Variants in APBB2 observed in about 807,000 individuals in gnomAD.
APBB2 encodes the protein Fe65-like 1.
In APBB2, 38 loss-of-function variants were observed where a neutral mutation model predicts 82.5. The ratio of observed to expected loss-of-function variants is 0.46; its 90% CI spans 0.36 to 0.60. The LOEUF is 0.60. Among genes scored for constraint, APBB2 ranks in the 20% least tolerant of loss-of-function variants. The probability of loss-of-function intolerance (pLI) is 0.00; values close to 1 mark genes in which losing one functional copy is unlikely to be tolerated. For synonymous variants in APBB2, 341 were observed against 368.2 expected (o/e 0.93, Z 0.85); for missense variants, 772 against 972.3 (o/e 0.79, Z 2.74).
At chr4:41,109,712 T>C (rs1315289127) in intron 2 of APBB2, among the ~76,000 whole-genome samples, 1 of 152,160 alleles carries the variant, frequency 6.6e-6, no homozygotes, top group Non-Finnish European at 1.5e-5. Flanking sequence ...CCTCATGATC[T>C]GCCCGCCTCG....
chr4:41,182,334 T>C (rs1180534195), intron 1 of APBB2, among the ~76,000 whole-genome samples: 2 of 152,242 alleles, frequency 1.3e-5, no homozygotes, highest in South Asian at 2.1e-4. Context: ...ACTGAATGAT[T>C]ACTCTAATTG....
chr4:41,021,775 T>C (rs1391319781), intron 5 of APBB2, among the ~76,000 whole-genome samples: 8 of 152,270 alleles, frequency 5.3e-5, no homozygotes, highest in African/African-American at 2.4e-5. Flanking sequence ...CTCTTCACAA[T>C]AAATCTTCCT....
At chr4:41,052,330 T>C (rs904633363) in intron 4 of APBB2, among the ~76,000 whole-genome samples, 8 of 152,190 alleles carry the variant, frequency 5.3e-5, no homozygotes, top group African/African-American at 1.9e-4. Context: ...AACTTGTCCC[T>C]AATCTGCATG....
chr4:40,818,312 G>A (rs147776011), intron 17 of APBB2, among the ~76,000 whole-genome samples: 11 of 152,150 alleles, frequency 7.2e-5, no homozygotes, highest in East Asian at 1.9e-4. Flanking sequence ...GTGTCCACTC[G>A]TTGCAGTGAT....
chr4:41,006,915 T>C (rs1251677821), intron 6 of APBB2, among the ~76,000 whole-genome samples: 1 of 152,216 alleles, frequency 6.6e-6, no homozygotes, highest in Non-Finnish European at 1.5e-5. Flanking sequence ...TTAAGCTAGC[T>C]AAAGCCAGAA....
intron 1 of APBB2, among the ~76,000 whole-genome samples, chr4:41,176,981 T>C (rs947189882): frequency 1.6e-5 from 2 of 128,248 alleles, no homozygotes; most frequent in East Asian, 2.0e-4. Flanking sequence ...TGAATGAAAA[T>C]AGTGTACCAA....
intron 4 of APBB2, among the ~76,000 whole-genome samples, chr4:41,053,762 T>C (rs1259014752): frequency 6.6e-6 from 1 of 152,350 alleles, no homozygotes; most frequent in Non-Finnish European, 1.5e-5. Flanking sequence ...TACAGCAAGT[T>C]CACACAGAGG....
chr4:41,160,037 A>AGAAGAAGAAGAAGAAGAAGAAGAAG (rs1258514181), intron 1 of APBB2, among the ~76,000 whole-genome samples: 2 of 146,286 alleles, frequency 1.4e-5, no homozygotes, highest in African/African-American at 2.7e-5. Flanking sequence ...AAGAAGAAGA[A>AGAAGAAGAAGAAGAAGAAGAAGAAG]AACATCACAG....
intron 11 of APBB2, chr4:40,890,896 A>G (rs1474605969): frequency 6.4e-6 from 1 of 156,726 alleles, no homozygotes; most frequent in Non-Finnish European, 1.4e-5. Flanking sequence ...CATCCCCTCG[A>G]TGGCCTTTCC....
At chr4:41,087,172 A>C (rs1270916068) in intron 3 of APBB2, among the ~76,000 whole-genome samples, 2 of 152,208 alleles carry the variant, frequency 1.3e-5, no homozygotes, top group African/African-American at 4.8e-5. Flanking sequence ...TGATTACATA[A>C]AAATGAATGG....
intron 6 of APBB2, among the ~76,000 whole-genome samples, chr4:40,984,967 G>A (rs1477833768): frequency 6.6e-6 from 1 of 151,968 alleles, no homozygotes; most frequent in Non-Finnish European, 1.5e-5. Context: ...TCTTGCCCAG[G>A]CTGTAGTGCA....
chr4:41,165,621 G>A (rs958805738), intron 1 of APBB2, among the ~76,000 whole-genome samples: 8 of 152,182 alleles, frequency 5.3e-5, no homozygotes, highest in East Asian at 3.9e-4. Flanking sequence ...CAATTCCAGA[G>A]CGGAACTCTC....
At chr4:40,999,035 G>A (rs1175359842) in intron 6 of APBB2, among the ~76,000 whole-genome samples, 1 of 152,044 alleles carries the variant, frequency 6.6e-6, no homozygotes, top group Non-Finnish European at 1.5e-5. Flanking sequence ...TGTATTGCAG[G>A]TAACTGAAGC....
intron 12 of APBB2, among the ~76,000 whole-genome samples, chr4:40,858,190 G>A (rs1177341747): frequency 1.3e-5 from 2 of 152,084 alleles, no homozygotes; most frequent in Non-Finnish European, 2.9e-5. Context: ...TTAAGTAAGA[G>A]TCCTGGCTAG....
At chr4:41,178,275 C>G (rs1042045587) in intron 1 of APBB2, among the ~76,000 whole-genome samples, 1 of 152,174 alleles carries the variant, frequency 6.6e-6, no homozygotes, top group African/African-American at 2.4e-5. Flanking sequence ...GTCAATCTAT[C>G]CTACAGGTAG....
intron 1 of APBB2, among the ~76,000 whole-genome samples, chr4:41,171,944 A>C (rs1768385898): frequency 6.6e-6 from 1 of 151,898 alleles, no homozygotes; most frequent in Non-Finnish European, 1.5e-5. Flanking sequence ...CAGAAGTACA[A>C]AAAAAATTAG....
chr4:40,959,797 T>C (rs962761225), intron 6 of APBB2, among the ~76,000 whole-genome samples: 7 of 152,204 alleles, frequency 4.6e-5, no homozygotes, highest in African/African-American at 1.4e-4. Context: ...ATAAGAACTA[T>C]AGCATGCACT....
chr4:40,993,015 T>G (rs1321087114), intron 6 of APBB2, among the ~76,000 whole-genome samples: 1 of 152,218 alleles, frequency 6.6e-6, no homozygotes, highest in African/African-American at 2.4e-5. Flanking sequence ...GTGGGAGAAT[T>G]AATTTTCCAT....
At chr4:41,045,893 T>C (rs1347305927) in intron 4 of APBB2, among the ~76,000 whole-genome samples, 5 of 152,340 alleles carry the variant, frequency 3.3e-5, no homozygotes, top group South Asian at 4.1e-4. Context: ...AAAATGTTCA[T>C]AGTGGTAATC....
Sources: gnomAD v4.1 joint callset for allele counts (sites outside exome capture counted in the v4.1 genomes callset) on GRCh38, gnomAD v4.1.1 for gene constraint, MANE v1.5 for transcripts, NCBI Gene and HGNC (gene_info 2026-07-23, HGNC 2026-07-21) for gene names.